The following CC2D2A variants were observed in gnomAD, a reference collection of about 807,000 sequenced individuals.
CC2D2A encodes coiled-coil and C2 domain-containing protein 2A.
A neutral mutation model predicts 212.9 loss-of-function variants in CC2D2A; 155 were observed. The observed-to-expected ratio is 0.73, with a 90% CI of 0.64 to 0.83. The LOEUF is 0.83. Ranked by LOEUF, CC2D2A falls within the 40% of genes least tolerant of loss-of-function variation. CC2D2A has a pLI of 0.00. For missense variants in CC2D2A, 1,856 were observed against 1,956.2 expected (o/e 0.95, Z 0.97); for synonymous variants, 667 against 686.5 (o/e 0.97, Z 0.44).
chr4:15,527,495 C>G lies in CC2D2A; in HGVS notation c.1198C>G (p.Pro400Ala), dbSNP rs759074579. ...TCAGCATGTGATCAGATCTGGAGAC[C>G]CTCCTGGAAATTTCCAACTGGACAT... ...SSQHVIRSGD[P>A]PGNFQLDIDI... is the part of the protein sequence containing the mutation. Residue 400 changes from proline (P) to alanine (A), a missense_variant, in exon 12 of 37, where the codon CCT (proline) becomes GCT (alanine). By Grantham distance (27) the Pro-to-Ala change is conservative. Coordinates refer to ENST00000424120, the MANE Select transcript of CC2D2A (RefSeq NM_001378615.1). 3 of 1,613,462 alleles carry G rather than the reference C, an allele frequency of 1.9e-6. No homozygotes were observed. Among genetic ancestry groups the G allele is most frequent in the African/African-American group, 2.7e-5 (2 of 74,892 alleles).
At chr4:15,569,654 A>G (rs1418821674) in intron 27 of CC2D2A, among the ~76,000 whole-genome samples, 2 of 152,228 alleles carry the variant, frequency 1.3e-5, no homozygotes, top group African/African-American at 4.8e-5. Context: ...CCCTAGGTAC[A>G]ATGCTTGTTT....
intron 6 of CC2D2A, among the ~76,000 whole-genome samples, chr4:15,508,725 C>G (rs1716396248): frequency 6.6e-6 from 1 of 152,156 alleles, no homozygotes; most frequent in Non-Finnish European, 1.5e-5. Flanking sequence ...ACAGGTAGGA[C>G]TTGGGAAGGA....
chr4:15,533,364 G>C (rs940652630), intron 14 of CC2D2A, 31 bp downstream of exon 14: 1 of 1,452,526 alleles, frequency 6.9e-7, no homozygotes, highest in African/African-American at 1.4e-5. Flanking sequence ...ATTTTATTGG[G>C]CTATATCATA....
Position 15,563,457 on chromosome 4 carries a change from A to C in CC2D2A, c.3117A>C (p.Gly1039=). The change falls in exon 24 of 37, where the codon GGA becomes GGC. Residue 1039 remains glycine (G), a synonymous_variant. Transcript: ENST00000424120. ...KKVTAQNLSD[G]DIKLLVNIVR... ...TGACAGCCCAAAACCTGTCTGATGG[A>C]GACATAAAGCTGCTGGTGAACATTG... 1 of 1,612,168 alleles carries C rather than the reference A, an allele frequency of 6.2e-7. No homozygotes were observed. Among genetic ancestry groups the C allele is most frequent in the Non-Finnish European group, 8.5e-7 (1 of 1,179,178 alleles).
chr4:15,599,436 T>C, intron 35 of CC2D2A, 93 bp from the exon 36 acceptor site: 1 of 765,354 alleles, frequency 1.3e-6, no homozygotes, highest in Admixed American at 3.0e-5. Flanking sequence ...AATATAGTTA[T>C]ACAATCATCT....
chr4:15,513,618 T>C (rs1716693781), intron 8 of CC2D2A, among the ~76,000 whole-genome samples: 1 of 152,346 alleles, frequency 6.6e-6, no homozygotes, highest in Non-Finnish European at 1.5e-5. Context: ...AAGGTTCATT[T>C]AGCCTTTTTG....
At chr4:15,575,352 TA>T (rs1720355928) in intron 29 of CC2D2A, among the ~76,000 whole-genome samples, 1 of 152,226 alleles carries the variant, frequency 6.6e-6, no homozygotes. Context: ...TGTCTGACTC[TA>T]AACTGTACAT....
intron 36 of CC2D2A, 25 bp from the exon 37 acceptor site, chr4:15,601,212 G>T (rs966006767): frequency 2.0e-5 from 32 of 1,579,056 alleles, no homozygotes; most frequent in Non-Finnish European, 2.6e-5. Flanking sequence ...CTTCACTAAT[G>T]ACTACAAATG....
chr4:15,516,146 TAA>T, intron 10 of CC2D2A, 142 bp downstream of exon 10: 4 of 712,992 alleles, frequency 5.6e-6, no homozygotes, highest in Non-Finnish European at 8.2e-6. Context: ...TTTTTTTTTT[TAA>T]CTTTCTCTCT....
In CC2D2A at chr4:15,529,833, T is replaced by C. The variant is rs375410284; in HGVS notation, c.1466+1107T>C. Among the ~76,000 whole-genome samples, 133 of 148,724 alleles carry C rather than the reference T, an allele frequency of 8.9e-4. No individual in the cohort carries two copies. The Middle Eastern group carries it at 0.021, about 23-fold the overall frequency. On this transcript the variant is annotated intron_variant, in intron 13 of 36. Transcript: ENST00000424120. Reference sequence around the variant, plus strand: ...AATCGAGGCTTTTTTTTTTTTAAGGTATATCTCTCCATTTATTTATTTAGG... The same window carrying C: ...AATCGAGGCTTTTTTTTTTTTAAGGCATATCTCTCCATTTATTTATTTAGG...
chr4:15,534,397 T>C (rs1718013155), intron 14 of CC2D2A, among the ~76,000 whole-genome samples: 1 of 152,258 alleles, frequency 6.6e-6, no homozygotes, highest in Non-Finnish European at 1.5e-5. Context: ...GTCATATAGA[T>C]ATTCTATGAT....
intron 11 of CC2D2A, chr4:15,519,434 C>A: frequency 4.8e-6 from 2 of 419,764 alleles, no homozygotes; most frequent in South Asian, 1.8e-5. Context: ...CTTCTGAGCC[C>A]TCCAAACTGT....
intron 33 of CC2D2A, among the ~76,000 whole-genome samples, chr4:15,592,292 A>G (rs559072748): frequency 6.6e-6 from 1 of 152,204 alleles, no homozygotes; most frequent in East Asian, 1.9e-4. Context: ...ACCTAAAACT[A>G]CATTGCCTTT....
intron 10 of CC2D2A, 23 bp downstream of exon 10, chr4:15,516,027 C>T: frequency 1.3e-6 from 2 of 1,567,014 alleles, no homozygotes; most frequent in South Asian, 2.4e-5. Context: ...CCTCTGCTCT[C>T]AGGTGTAGCC....
chr4:15,479,142 G>A (rs1469249870), intron 3 of CC2D2A: 2 of 979,588 alleles, frequency 2.0e-6, no homozygotes, highest in Non-Finnish European at 3.1e-6. Flanking sequence ...ATGATGGGCA[G>A]TAGATGGCAG....
rs1208588531 is a variant in CC2D2A, at chr4:15,527,434, C to G, written c.1150-13C>G. 6.2e-6 allele frequency: 10 copies of G among 1,604,118 alleles called. No homozygotes were observed. The highest frequency in any genetic ancestry group is 8.5e-6 in the Non-Finnish European group (10 of 1,173,252). On this transcript the variant is annotated splice_polypyrimidine_tract_variant and intron_variant, in intron 11 of 36. Transcript: ENST00000424120. ...TTAACTGTGTTCTGTCTACACTCTG[C>G]TTTCCTTGGCAGGCTGTAAAATACG...
At chr4:15,475,284 G>A (rs769749391) in intron 1 of CC2D2A, among the ~76,000 whole-genome samples, 3 of 152,162 alleles carry the variant, frequency 2.0e-5, no homozygotes, top group Non-Finnish European at 4.4e-5. Context: ...AAAAGAAAAA[G>A]TGTAGGGGGC....
intron 24 of CC2D2A, among the ~76,000 whole-genome samples, chr4:15,566,312 G>A (rs1307571929): frequency 6.6e-6 from 1 of 152,148 alleles, no homozygotes; most frequent in African/African-American, 2.4e-5. Flanking sequence ...TGCCTGACAT[G>A]TGTAGCTTGG....
At chr4:15,533,398 T>A in intron 14 of CC2D2A, 65 bp downstream of exon 14, 7 of 1,189,328 alleles carry the variant, frequency 5.9e-6, no homozygotes, top group Non-Finnish European at 6.9e-6. Flanking sequence ...GTATAAAACA[T>A]GGATACAGTT....
Sources: gnomAD v4.1 joint callset for allele counts (sites outside exome capture counted in the v4.1 genomes callset) on GRCh38, gnomAD v4.1.1 for gene constraint, MANE v1.5 for transcripts, NCBI Gene and HGNC (gene_info 2026-07-23, HGNC 2026-07-21) for gene names.